The following TASP1 variants were observed in gnomAD, a reference collection of about 807,000 sequenced individuals.
TASP1 encodes the protein threonine aspartase 1.
In TASP1, 16 loss-of-function variants were observed where a neutral mutation model predicts 56.6. That is an observed-to-expected ratio of 0.28 (90% CI 0.19 to 0.43). The LOEUF (loss-of-function observed/expected upper bound fraction) is 0.43. Ranked by LOEUF, TASP1 falls within the 20% of genes least tolerant of loss-of-function variation. TASP1 has a pLI of 1.00. For missense variants in TASP1, 393 were observed against 511.6 expected, an observed-to-expected ratio of 0.77 and a Z score of 2.24; for synonymous variants, 179 against 184.2, an observed-to-expected ratio of 0.97 and a Z score of 0.23.
chr20:13,482,424 T>C (rs2043173110), intron 11 of TASP1, among the ~76,000 whole-genome samples: 1 of 152,188 alleles, frequency 6.6e-6, no homozygotes, highest in Non-Finnish European at 1.5e-5. Context: ...TTTAGGGTTG[T>C]TTTTTCTATT....
At chr20:13,483,877 C>T (rs6134879) in intron 10 of TASP1, among the ~76,000 whole-genome samples, 53,206 of 151,382 alleles carry the variant, frequency 0.35, 9,979 homozygotes, top group Non-Finnish European at 0.42. Flanking sequence ...AGGCAACCTA[C>T]AGAATGGGAG....
chr20:13,393,293 C>T (rs1600661173), intron 13 of TASP1: 10 of 753,308 alleles, frequency 1.3e-5, no homozygotes, highest in Admixed American at 5.3e-5. Context: ...AGAACATCAT[C>T]CCTGCATCTA....
At chr20:13,545,003 T>C (rs1281630983) in intron 8 of TASP1, among the ~76,000 whole-genome samples, 2 of 151,690 alleles carry the variant, frequency 1.3e-5, no homozygotes, top group African/African-American at 4.8e-5. Flanking sequence ...GTTGACTTAA[T>C]ACAGTAATAA....
chr20:13,546,061 G>A (rs571210271), intron 8 of TASP1, among the ~76,000 whole-genome samples: 357 of 151,946 alleles, frequency 2.3e-3, no homozygotes, highest in Non-Finnish European at 3.7e-3. Flanking sequence ...TAATTCCTTC[G>A]GATCAAATAC....
At chr20:13,598,462 G>A (rs1430163403) in intron 4 of TASP1, among the ~76,000 whole-genome samples, 2 of 152,108 alleles carry the variant, frequency 1.3e-5, no homozygotes, top group Non-Finnish European at 2.9e-5. Context: ...AATGGTGCTG[G>A]GAAAACTGGC....
At chr20:13,232,645 T>G in the TASP1 span, among the ~76,000 whole-genome samples, 1 of 152,240 alleles carries the variant, frequency 6.6e-6, no homozygotes, top group Non-Finnish European at 1.5e-5. Context: ...GTGAATACTT[T>G]GGAGCAGAAT....
At chr20:13,203,561 G>T in the TASP1 span, among the ~76,000 whole-genome samples, 1 of 152,166 alleles carries the variant, frequency 6.6e-6, no homozygotes, top group South Asian at 2.1e-4. Context: ...TGCCTTTATG[G>T]ATAAATAAAT....
At position 13,630,644 on chromosome 20, in the gene TASP1, G is replaced by A. The variant is rs190737329; in HGVS notation, c.-74-492C>T. Among the ~76,000 whole-genome samples the A allele has an allele frequency of 4.7e-5, 6 of 128,092 alleles. No homozygotes were observed. The South Asian group carries it at 7.2e-4, about 15-fold the overall frequency. 84.0% of individuals were successfully genotyped at this position (128,092 alleles called of 152,430 possible). A position where few individuals can be genotyped will look rare whatever the true frequency, so the allele number is the denominator to read the frequency against. ...GCAGAAGTTGCAGTGAGCCGAGATC[G>A]CACCACTACACTCCAGCCTGGGCAA... On this transcript the variant is annotated intron_variant, in intron 1 of 13. Transcript: ENST00000337743.
chr20:13,577,407 A>G (rs1216836241), intron 6 of TASP1, among the ~76,000 whole-genome samples: 1 of 152,154 alleles, frequency 6.6e-6, no homozygotes, highest in Non-Finnish European at 1.5e-5. Flanking sequence ...CATCATCAGC[A>G]ACTTGATTTT....
At chr20:13,340,093 G>A in the TASP1 span, among the ~76,000 whole-genome samples, 1 of 152,022 alleles carries the variant, frequency 6.6e-6, no homozygotes, top group South Asian at 2.1e-4. Flanking sequence ...CAGCTTAGGT[G>A]GGCATATGAC....
At chr20:13,204,543 A>ATG in the TASP1 span, among the ~76,000 whole-genome samples, 2 of 150,882 alleles carry the variant, frequency 1.3e-5, no homozygotes, top group Non-Finnish European at 2.9e-5. Flanking sequence ...ATATATATAT[A>ATG]TATGTATATT....
intron 9 of TASP1, among the ~76,000 whole-genome samples, chr20:13,528,948 G>A (rs1041794582): frequency 6.6e-6 from 1 of 152,126 alleles, no homozygotes; most frequent in African/African-American, 2.4e-5. Context: ...AGTGTCTGGG[G>A]CAGACCTAGG....
chr20:13,597,510 T>A (rs1258811097), intron 4 of TASP1, among the ~76,000 whole-genome samples: 1 of 152,110 alleles, frequency 6.6e-6, no homozygotes, highest in African/African-American at 2.4e-5. Context: ...CTCAATAAAC[T>A]AGGTACTGAT....
chr20:13,348,789 T>G, the TASP1 span, among the ~76,000 whole-genome samples: 1 of 152,202 alleles, frequency 6.6e-6, no homozygotes, highest in African/African-American at 2.4e-5. Context: ...TCCTGTTATG[T>G]TGCCAGATTC....
the TASP1 span, among the ~76,000 whole-genome samples, chr20:13,118,252 G>A: frequency 1.3e-5 from 2 of 151,984 alleles, no homozygotes; most frequent in Admixed American, 6.6e-5. Flanking sequence ...TAATCAAAAC[G>A]GTGGCAGGAA....
chr20:13,632,290 C>T (rs899578306), intron 1 of TASP1, among the ~76,000 whole-genome samples: 2 of 139,616 alleles, frequency 1.4e-5, no homozygotes, highest in South Asian at 2.3e-4. Context: ...AACTGGGACC[C>T]GGGAGGCGAG....
chr20:13,289,086 T>C, the TASP1 span, among the ~76,000 whole-genome samples: 3 of 152,200 alleles, frequency 2.0e-5, no homozygotes, highest in African/African-American at 7.2e-5. Context: ...ATGTAACTAC[T>C]TTTCTAATAA....
the TASP1 span, among the ~76,000 whole-genome samples, chr20:13,319,775 G>A: frequency 6.6e-6 from 1 of 152,180 alleles, no homozygotes; most frequent in African/African-American, 2.4e-5. Context: ...AGAGAGACGT[G>A]GGGACAGCCA....
intron 11 of TASP1, among the ~76,000 whole-genome samples, chr20:13,475,362 G>C (rs527982189): frequency 4.2e-4 from 64 of 152,202 alleles, no homozygotes; most frequent in Non-Finnish European, 6.3e-4. Flanking sequence ...TATTCTGTTG[G>C]TGGACATTAC....
Sources: gnomAD v4.1 joint callset for allele counts (sites outside exome capture counted in the v4.1 genomes callset) on GRCh38, gnomAD v4.1.1 for gene constraint, MANE v1.5 for transcripts, NCBI Gene and HGNC (gene_info 2026-07-23, HGNC 2026-07-21) for gene names.